PECAM1: variants seen among roughly 807,000 people sequenced by gnomAD.
PECAM1 encodes the protein platelet endothelial cell adhesion molecule.
PECAM1 carries 8 observed loss-of-function variants against 13.8 expected under a neutral mutation model. That is an observed-to-expected ratio of 0.58 (90% confidence interval 0.34 to 1.05). PECAM1 has a LOEUF of 1.05. Ranked by LOEUF, PECAM1 falls within the 50% of genes least tolerant of loss-of-function variation. The probability of loss-of-function intolerance (pLI) is 0.03; values close to 1 mark genes in which losing one functional copy is unlikely to be tolerated. For missense variants in PECAM1, 304 were observed against 141.2 expected (o/e 2.15, Z -5.84); for synonymous variants, 136 against 52.6 (o/e 2.58, Z -6.86).
At chr17:64,325,387 C>CAA (rs71297991) in intron 15 of PECAM1, among the ~76,000 whole-genome samples, 1 of 149,110 alleles carries the variant, frequency 6.7e-6, no homozygotes, top group Non-Finnish European at 1.5e-5. Context: ...GACTCCGTCT[C>CAA]AAAAAAAAAG....
rs1377515674 is a variant in PECAM1 at position 64,320,646 on chromosome 17, A to G, written c.*3170T>C. On this transcript the variant is annotated 3_prime_UTR_variant, in exon 16 of 16. Coordinates refer to ENST00000563924, the MANE Select transcript of PECAM1 (RefSeq NM_000442.5). The stretch of plus-strand genomic sequence containing the variant: ...ACTGCTTTGTAATTGGCTCTCTGTT[A>G]GTCTGCATCTCTACTGGGTTGTACC... 6.6e-6 allele frequency: 1 copy of G among 152,242 alleles called. No homozygotes were observed. Among genetic ancestry groups the G allele is most frequent in the Non-Finnish European group, 1.5e-5 (1 of 68,084 alleles). The allele number at this position is 152,242 out of a possible 1,614,324, so 9.4% of individuals were successfully genotyped here.
chr17:64,390,545 C>G (rs2036693836), intron 1 of PECAM1, 30 bp from the exon 2 acceptor site: 1 of 473,840 alleles, frequency 2.1e-6, no homozygotes, highest in Non-Finnish European at 3.9e-6. Context: ...CATGTTGATT[C>G]CAGAAGCTTC....
At chr17:64,380,596 A>T (rs2036461705) in intron 2 of PECAM1, among the ~76,000 whole-genome samples, 3 of 152,230 alleles carry the variant, frequency 2.0e-5, no homozygotes, top group East Asian at 3.8e-4. Context: ...GGAATTTTTT[A>T]AAATTTTTGA....
chr17:64,370,187 C>T, intron 4 of PECAM1, 162 bp from the exon 5 acceptor site: 1 of 394,098 alleles, frequency 2.5e-6, no homozygotes. Context: ...TGGCTGCTCT[C>T]ATACTCCCTC....
At chr17:64,374,071 C>A (rs1049988899) in intron 4 of PECAM1, among the ~76,000 whole-genome samples, 1 of 152,100 alleles carries the variant, frequency 6.6e-6, no homozygotes, top group African/African-American at 2.4e-5. Context: ...GGACCTGGCC[C>A]CTCTTTCCTC....
In PECAM1 at chr17:64,331,812, C is replaced by T. The variant is rs2035129518; in HGVS notation, c.2165-2090G>A. On this transcript the variant is annotated intron_variant, in intron 14 of 15. Coordinates refer to ENST00000563924, the MANE Select transcript of PECAM1 (RefSeq NM_000442.5). ...TTGAAGACAGAGAAGTCATGGGGAC[C>T]TCACCTGCTGCCTGGGGGAGACCCC... Among the ~76,000 whole-genome samples the T allele has an allele frequency of 2.6e-5, 4 of 152,234 alleles. No homozygotes were observed. In the South Asian group the frequency reaches 8.3e-4, roughly 32 times the overall value.
At chr17:64,371,006 G>C (rs1226361431) in intron 4 of PECAM1, among the ~76,000 whole-genome samples, 1 of 152,108 alleles carries the variant, frequency 6.6e-6, no homozygotes, top group African/African-American at 2.4e-5. Context: ...AAAGGGGAAG[G>C]CATCCTTTAC....
intron 8 of PECAM1, among the ~76,000 whole-genome samples, chr17:64,355,449 C>T (rs2035824790): frequency 6.6e-6 from 1 of 152,146 alleles, no homozygotes; most frequent in South Asian, 2.1e-4. Flanking sequence ...CACCACCACA[C>T]ACAGCTATTT....
At chr17:64,325,606 G>A (rs1232241059) in intron 15 of PECAM1, among the ~76,000 whole-genome samples, 10 of 152,132 alleles carry the variant, frequency 6.6e-5, no homozygotes, top group African/African-American at 1.7e-4. Flanking sequence ...ACATGGTGGT[G>A]TGCACCTGTA....
rs140711261 is a variant in PECAM1, at chr17:64,325,794, T to G, written c.2188-1949A>C. ...AAACACCCACAAAAGGATTCCTGGA[T>G]TCCTTCTGCCATCCTGTAGTGCTCT... On this transcript the variant is annotated intron_variant, in intron 15 of 15. Coordinates refer to ENST00000563924, the MANE Select transcript of PECAM1 (RefSeq NM_000442.5). Among the ~76,000 whole-genome samples the G allele has an allele frequency of 9.2e-3, 1,406 of 152,278 alleles. 16 individuals carry two copies. Among genetic ancestry groups the G allele is most frequent in the Non-Finnish European group, 0.013 (886 of 68,022 alleles).
intron 14 of PECAM1, among the ~76,000 whole-genome samples, chr17:64,330,021 G>A (rs1425279603): frequency 2.0e-5 from 3 of 150,902 alleles, no homozygotes; most frequent in Admixed American, 6.6e-5. Context: ...GTGTGGTGGC[G>A]CCATCTTGGC....
At chr17:64,367,573 G>GA (rs2036139449) in intron 5 of PECAM1, among the ~76,000 whole-genome samples, 2 of 146,880 alleles carry the variant, frequency 1.4e-5, no homozygotes, top group Non-Finnish European at 3.0e-5. Context: ...AAAAAGAAAA[G>GA]AAAAAAGACA....
At chr17:64,343,718 G>A (rs2035489171) in intron 13 of PECAM1, among the ~76,000 whole-genome samples, 1 of 152,194 alleles carries the variant, frequency 6.6e-6, no homozygotes, top group South Asian at 2.1e-4. Flanking sequence ...CACCAAACAG[G>A]ATTTGGAACT....
chr17:64,341,000 G>A (rs1227225819), intron 14 of PECAM1, among the ~76,000 whole-genome samples: 1 of 151,992 alleles, frequency 6.6e-6, no homozygotes, highest in Non-Finnish European at 1.5e-5. Flanking sequence ...AGGAGGCTGA[G>A]GCAGGAGAAT....
At chr17:64,340,696 T>C (rs1285071293) in intron 14 of PECAM1, among the ~76,000 whole-genome samples, 2 of 151,936 alleles carry the variant, frequency 1.3e-5, no homozygotes, top group African/African-American at 4.8e-5. Context: ...AGCCCTTTCA[T>C]GAGTAAGCAG....
intron 14 of PECAM1, among the ~76,000 whole-genome samples, chr17:64,330,122 T>C (rs1597991322): frequency 6.6e-6 from 1 of 151,854 alleles, no homozygotes; most frequent in Non-Finnish European, 1.5e-5. Flanking sequence ...TTCAAGGAAT[T>C]CTCCTGCCTC....
At chr17:64,361,826 A>G (rs2035990457) in intron 6 of PECAM1, among the ~76,000 whole-genome samples, 1 of 151,208 alleles carries the variant, frequency 6.6e-6, no homozygotes, top group South Asian at 2.1e-4. Flanking sequence ...TAAGAATTAT[A>G]TTAGGTCATT....
intron 2 of PECAM1, among the ~76,000 whole-genome samples, chr17:64,379,504 A>AACT (rs1478766547): frequency 2.0e-5 from 3 of 152,166 alleles, no homozygotes; most frequent in Non-Finnish European, 2.9e-5. Context: ...GACCAGGGTG[A>AACT]ACTGCTTTTT....
At chr17:64,361,715 T>C (rs1343206105) in intron 6 of PECAM1, among the ~76,000 whole-genome samples, 1 of 122,852 alleles carries the variant, frequency 8.1e-6, no homozygotes, top group African/African-American at 3.0e-5. Context: ...ATCATGTCAT[T>C]GCACTCCAGC....
Sources: allele counts gnomAD v4.1 joint callset (sites outside exome capture counted in the v4.1 genomes callset), GRCh38; gene constraint gnomAD v4.1.1; transcripts MANE v1.5; gene names NCBI Gene and HGNC (gene_info 2026-07-23, HGNC 2026-07-21).